The following FARP1 variants were observed in gnomAD, a reference collection of about 807,000 sequenced individuals.
FARP1 encodes the protein FERM, ARH/RhoGEF and pleckstrin domain protein 1.
In FARP1, 52 loss-of-function variants were observed where a neutral mutation model predicts 128.8. That is an observed-to-expected ratio of 0.40 (90% CI 0.32 to 0.51). The LOEUF is 0.51. FARP1 is among the 20% of genes least tolerant of loss of function. The probability of loss-of-function intolerance (pLI) is 0.45; values close to 1 mark genes in which losing one functional copy is unlikely to be tolerated. For missense variants in FARP1, 1,333 were observed against 1,367.9 expected (o/e 0.97, Z 0.40); for synonymous variants, 580 against 551.8 (o/e 1.05, Z -0.72).
At chr13:98,320,783 G>C (rs1353620405) in intron 2 of FARP1, among the ~76,000 whole-genome samples, 1 of 152,180 alleles carries the variant, frequency 6.6e-6, no homozygotes, top group East Asian at 1.9e-4. Flanking sequence ...GTTGGGCCCT[G>C]TGGGTTGATA....
intron 1 of FARP1, among the ~76,000 whole-genome samples, chr13:98,168,880 G>A (rs959847966): frequency 4.6e-5 from 7 of 152,152 alleles, no homozygotes; most frequent in African/African-American, 1.7e-4. Flanking sequence ...GGGGGGATCA[G>A]CTCTCAACCC....
At chr13:98,374,260 A>G (rs575954214) in intron 5 of FARP1, among the ~76,000 whole-genome samples, 1 of 152,114 alleles carries the variant, frequency 6.6e-6, no homozygotes, top group African/African-American at 2.4e-5. Context: ...CTGTCTCTAC[A>G]AAAAATTTTA....
intron 6 of FARP1, chr13:98,381,533 A>G (rs1444365091): frequency 6.6e-6 from 1 of 152,002 alleles, no homozygotes; most frequent in Non-Finnish European, 1.5e-5. Context: ...AATTTTCTCT[A>G]ATTTATTTTG....
intron 3 of FARP1, among the ~76,000 whole-genome samples, chr13:98,346,904 G>A (rs1888201137): frequency 6.6e-6 from 1 of 152,204 alleles, no homozygotes; most frequent in South Asian, 2.1e-4. Context: ...AAAATCCAGT[G>A]AGTTCTGCCT....
intron 2 of FARP1, among the ~76,000 whole-genome samples, chr13:98,259,367 G>A (rs1883765653): frequency 6.6e-6 from 1 of 151,968 alleles, no homozygotes; most frequent in Admixed American, 6.6e-5. Flanking sequence ...GTGTGTGTGT[G>A]TATCAGCAGC....
At chr13:98,360,670 A>G (rs1461276624) in intron 3 of FARP1, among the ~76,000 whole-genome samples, 6 of 152,214 alleles carry the variant, frequency 3.9e-5, no homozygotes, top group East Asian at 1.9e-4. Flanking sequence ...CAGCAAACTA[A>G]TAAATACAGT....
intron 2 of FARP1, among the ~76,000 whole-genome samples, chr13:98,250,095 C>T (rs1358287456): frequency 1.3e-5 from 2 of 152,172 alleles, no homozygotes; most frequent in Non-Finnish European, 2.9e-5. Context: ...TCGTGAGATT[C>T]ACCAATGATT....
chr13:98,292,892 A>G (rs1257529466), intron 2 of FARP1, among the ~76,000 whole-genome samples: 20 of 152,184 alleles, frequency 1.3e-4, no homozygotes, highest in Non-Finnish European at 2.6e-4. Context: ...GTAACAGTGT[A>G]CTGAGCTACA....
At chr13:98,408,043 A>G (rs560293687) in intron 13 of FARP1, among the ~76,000 whole-genome samples, 3 of 152,320 alleles carry the variant, frequency 2.0e-5, no homozygotes, top group East Asian at 1.9e-4. Flanking sequence ...GAAACTGTAG[A>G]CTGGGAAATT....
chr13:98,352,812 G>T (rs1363836998), intron 3 of FARP1, among the ~76,000 whole-genome samples: 2 of 152,088 alleles, frequency 1.3e-5, no homozygotes, highest in Admixed American at 1.3e-4. Flanking sequence ...TGTGCAGTCA[G>T]CAAAATCCAA....
chr13:98,243,481 G>A (rs1882891735), intron 2 of FARP1, among the ~76,000 whole-genome samples: 1 of 151,876 alleles, frequency 6.6e-6, no homozygotes. Flanking sequence ...GGATCACGAG[G>A]TCAGGAGTTC....
At chr13:98,396,563 G>A (rs537964588) in intron 13 of FARP1, 1 of 398,852 alleles carries the variant, frequency 2.5e-6, no homozygotes, top group Non-Finnish European at 4.4e-6. Flanking sequence ...AAGATCATCT[G>A]TTCTAGTGAC....
In FARP1 at chr13:98,317,292, C is replaced by T. The variant is rs188561001; in HGVS notation, c.172-26470C>T. On this transcript the variant is annotated intron_variant, in intron 2 of 26. Transcript: ENST00000319562. ...GTTTGATTTTAGAGCTGGGGTCTTGCGCTGTCACCCAGGCTGGGGTGCAGT... is the reference window on the plus strand; with the variant it reads ...GTTTGATTTTAGAGCTGGGGTCTTGTGCTGTCACCCAGGCTGGGGTGCAGT... Among the ~76,000 whole-genome samples the T allele has an allele frequency of 4.6e-5, 7 of 152,248 alleles. No individual in the cohort carries two copies. In the East Asian group the frequency reaches 5.8e-4, roughly 13 times the overall value.
At chr13:98,153,558 T>TTATATATATATTA in intron 1 of FARP1, among the ~76,000 whole-genome samples, 1 of 116,452 alleles carries the variant, frequency 8.6e-6, no homozygotes, top group East Asian at 2.3e-4. Context: ...AAATATATAT[T>TTATATATATATTA]TATATATATT....
chr13:98,305,998 A>T (rs1886137032), intron 2 of FARP1, among the ~76,000 whole-genome samples: 1 of 152,054 alleles, frequency 6.6e-6, no homozygotes, highest in South Asian at 2.1e-4. Context: ...CTGTGTGGAG[A>T]CTGAACTATC....
chr13:98,275,636 T>G (rs1348233782), intron 2 of FARP1, among the ~76,000 whole-genome samples: 1 of 150,124 alleles, frequency 6.7e-6, no homozygotes, highest in African/African-American at 2.4e-5. Flanking sequence ...CTCTTTTTTT[T>G]TTTTTTTTTT....
intron 2 of FARP1, among the ~76,000 whole-genome samples, chr13:98,271,933 T>A (rs1053351650): frequency 7.9e-5 from 12 of 152,176 alleles, no homozygotes; most frequent in Admixed American, 4.6e-4. Context: ...TGATTTATAA[T>A]CCTTTGGGTT....
At chr13:98,145,311 C>T (rs776986734) in intron 1 of FARP1, among the ~76,000 whole-genome samples, 1 of 152,222 alleles carries the variant, frequency 6.6e-6, no homozygotes, top group African/African-American at 2.4e-5. Flanking sequence ...TTGAGAAGTT[C>T]TGTCACTGTG....
chr13:98,446,791 G>T lies in FARP1; in HGVS notation c.3030G>T (p.Arg1010Ser). The T allele has an allele frequency of 1.2e-6, 2 of 1,614,028 alleles. No homozygotes were observed. The highest frequency in any genetic ancestry group is 1.7e-6 in the Non-Finnish European group (2 of 1,180,008). The change falls in exon 26 of 27, where the codon AGG becomes AGT. Residue 1010 changes from arginine to serine, a missense_variant. By Grantham distance (110) the Arg-to-Ser change is moderately radical (BLOSUM62 -1). Transcript: ENST00000319562. ...TCAAGTCCCACGTCTACTACTTCAG[G>T]GCGGAAAGCGAGTACACGTTCGAAA... ...LHFKSHVYYF[R>S]AESEYTFERW...
Sources: allele counts gnomAD v4.1 joint callset (sites outside exome capture counted in the v4.1 genomes callset), GRCh38; gene constraint gnomAD v4.1.1; transcripts MANE v1.5; gene names NCBI Gene and HGNC (gene_info 2026-07-23, HGNC 2026-07-21).